Variants in FAT2 observed in about 807,000 individuals in gnomAD.
The protein encoded by FAT2 is FAT atypical cadherin 2.
A neutral mutation model predicts 295.3 loss-of-function variants in FAT2; 150 were observed. That is an observed-to-expected ratio of 0.51 (90% CI 0.44 to 0.58). FAT2 has a LOEUF of 0.58. Ranked by LOEUF, FAT2 falls within the 20% of genes least tolerant of loss-of-function variation. FAT2 has a pLI of 0.00. For synonymous variants in FAT2, 2,026 were observed against 2,150.3 expected, an observed-to-expected ratio of 0.94 and a Z score of 1.60; for missense variants, 4,868 against 5,442.7, an observed-to-expected ratio of 0.89 and a Z score of 3.32.
At position 151,549,483 on chromosome 5, in the gene FAT2, A is replaced by T. The variant is rs1034213539; in HGVS notation, c.4601T>A (p.Ile1534Asn). 6.2e-7 allele frequency: 1 copy of T among 1,614,040 alleles called. No homozygotes were observed. Among genetic ancestry groups the T allele is most frequent in the African/African-American group, 1.3e-5 (1 of 74,918 alleles). The change falls in exon 9 of 24, where the codon ATC (isoleucine) becomes AAC (asparagine). Residue 1534 changes from isoleucine (I) to asparagine (N), a missense_variant. Physicochemically the swap from Ile to Asn is moderately radical, Grantham distance 149. Transcript: ENST00000261800. ...TVMVRDQEIPIKRNFVWVTIH... is the reference protein window; with the variant it reads ...TVMVRDQEIPNKRNFVWVTIH... ...GGTCACCCACACGAAGTTCCTCTTG[A>T]TAGGTATTTCCTGGTCTCGGACCTA...
chr5:151,556,460 T>C, intron 3 of FAT2, 58 bp from the exon 4 acceptor site: 2 of 1,138,602 alleles, frequency 1.8e-6, no homozygotes, highest in Non-Finnish European at 1.3e-6. Context: ...GCCACTTTAC[T>C]GAGGCAACTT....
chr5:151,558,147 A>T (rs976012059), intron 3 of FAT2, among the ~76,000 whole-genome samples: 3 of 152,218 alleles, frequency 2.0e-5, no homozygotes, highest in Non-Finnish European at 4.4e-5. Context: ...TACATCTGGG[A>T]AGATGAGTTC....
chr5:151,548,372 A>G (rs1756861822), intron 9 of FAT2, among the ~76,000 whole-genome samples: 1 of 152,066 alleles, frequency 6.6e-6, no homozygotes, highest in African/African-American at 2.4e-5. Context: ...AATTAGTTGG[A>G]TACTGGATAT....
Position 151,512,314 on chromosome 5 carries a change from T to C in FAT2, c.11756A>G (p.Asn3919Ser), listed in dbSNP as rs1761387420. 1 of 1,614,204 alleles carries C rather than the reference T, an allele frequency of 6.2e-7. No individual in the cohort carries two copies. The highest frequency in any genetic ancestry group is 8.5e-7 in the Non-Finnish European group (1 of 1,180,022). ...GGCCAGCAGATCTAGAGCCTCTTCG[T>C]TGACCACGACAGCATCCAGGCAGCC... ...FEGCLDAVVV[N>S]EEALDLLAPG... Residue 3919 changes from asparagine (N) to serine (S), a missense_variant, in exon 21 of 24, where the codon AAC (asparagine) becomes AGC (serine). Coordinates refer to ENST00000261800, the MANE Select transcript of FAT2 (RefSeq NM_001447.3). This position sits in a 1 kb window ranked among gnomAD's most constrained non-coding sequence, Gnocchi z 4.1.
At chr5:151,530,387 C>G (rs990268563) in intron 14 of FAT2, among the ~76,000 whole-genome samples, 1 of 152,090 alleles carries the variant, frequency 6.6e-6, no homozygotes, top group Non-Finnish European at 1.5e-5. Context: ...AAATGTCATT[C>G]CTAGGAAATA....
In FAT2 at chr5:151,521,297, G is replaced by A; in HGVS notation, c.11296C>T (p.Gln3766Ter). The A allele has an allele frequency of 6.2e-7, 1 of 1,610,928 alleles. No homozygotes were observed. The highest frequency in any genetic ancestry group is 8.5e-7 in the Non-Finnish European group (1 of 1,177,672). Residue 3766 changes from glutamine to a stop codon, truncating the protein, a stop_gained, in exon 19 of 24, where the codon CAG (glutamine) becomes TAG (stop). Coordinates refer to ENST00000261800, the MANE Select transcript of FAT2 (RefSeq NM_001447.3). LOFTEE classifies it high-confidence loss of function. ...TTACCATTGCAGGAGCAGCTCCTCT[G>A]CAGGTGGTGCCGCGGGGTTAGGATG... ...LSILTPRHHL[Q>*]RSCSCNGTAT...
chr5:151,537,712 C>G, intron 12 of FAT2, 81 bp downstream of exon 12: 1 of 1,396,278 alleles, frequency 7.2e-7, no homozygotes, highest in Non-Finnish European at 9.7e-7. Flanking sequence ...TGTTTCTTCT[C>G]CAAGGAGAAT....
At chr5:151,527,914 C>G in intron 16 of FAT2, 82 bp downstream of exon 16, 2 of 1,538,614 alleles carry the variant, frequency 1.3e-6, no homozygotes, top group Non-Finnish European at 1.8e-6. Context: ...GGGGTCTTGA[C>G]AGCGATTCAT....
At chr5:151,556,250 A>G (rs527519433) in intron 4 of FAT2, 94 bp downstream of exon 4, 126 of 1,044,388 alleles carry the variant, frequency 1.2e-4, no homozygotes, top group Non-Finnish European at 1.9e-4. Context: ...CTGAACCCAG[A>G]CCCTCCTCAG....
rs1228781563 is a variant in FAT2, at chr5:151,507,409, C to T, written c.12262G>A (p.Ala4088Thr). The change falls in exon 23 of 24, where the codon GCC becomes ACC. Residue 4088 changes from alanine to threonine, a missense_variant. Physicochemically the swap from Ala to Thr is moderately conservative, Grantham distance 58 (BLOSUM62 0). Around this residue, in one of 5 missense-constraint regions of FAT2, gnomAD observed 492 missense variants for 482.6 expected, o/e 1.02. Coordinates refer to ENST00000261800, the MANE Select transcript of FAT2 (RefSeq NM_001447.3). ...PVAMEDPDLLARSVGVDTQAM... is the reference protein window; with the variant it reads ...PVAMEDPDLLTRSVGVDTQAM... The stretch of plus-strand genomic sequence containing the variant: ...TGGGTGTCAACACCAACACTCCTGG[C>T]CAGGAGGTCTGGGTCCTCCATGGCC... 3.1e-6 allele frequency: 5 copies of T among 1,614,180 alleles called. No individual in the cohort carries two copies. Among genetic ancestry groups the T allele is most frequent in the Non-Finnish European group, 3.4e-6 (4 of 1,180,034 alleles).
intron 22 of FAT2, among the ~76,000 whole-genome samples, chr5:151,509,167 T>C (rs1362889028): frequency 1.3e-5 from 2 of 152,094 alleles, no homozygotes; most frequent in Admixed American, 6.5e-5. Flanking sequence ...CACTGGGAAG[T>C]TCAGGTCCAG....
chr5:151,549,279 T>C lies in FAT2; in HGVS notation c.4789+16A>G. 1 of 1,611,000 alleles carries C rather than the reference T, an allele frequency of 6.2e-7. No homozygotes were observed. Among genetic ancestry groups the C allele is most frequent in the African/African-American group, 1.3e-5 (1 of 74,948 alleles). ...CATCTTGACCCATCCTCTGAGCTCA[T>C]GGCCAGGCCTCTCACCTTTCAGGAG... On this transcript the variant is annotated intron_variant, in intron 9 of 23. Transcript: ENST00000261800.
chr5:151,505,960 G>C lies in FAT2; in HGVS notation c.12655C>G (p.Pro4219Ala), dbSNP rs944074256. 3.8e-6 allele frequency: 6 copies of C among 1,574,018 alleles called. No individual in the cohort carries two copies. Among genetic ancestry groups the C allele is most frequent in the Admixed American group, 2.0e-5 (1 of 50,380 alleles). Residue 4219 changes from proline (P) to alanine (A), a missense_variant, in exon 24 of 24, where the codon CCT (proline) becomes GCT (alanine). By Grantham distance (27) the Pro-to-Ala change is conservative. Transcript: ENST00000261800. ...GGGAAGCCCCCATAGAGGCCATTAG[G>C]CTCTGGCATCACGACTGGGGTTGAG... Reference protein sequence around the residue: ...RHSTPVVMPEPNGLYGGFPFP... With the variant: ...RHSTPVVMPEANGLYGGFPFP...
At chr5:151,572,467 A>G (rs1758570414) in intron 1 of FAT2, among the ~76,000 whole-genome samples, 2 of 152,242 alleles carry the variant, frequency 1.3e-5, no homozygotes, top group Non-Finnish European at 2.9e-5. Flanking sequence ...GTGCTTCTGG[A>G]AAGAGCTGTG....
At chr5:151,530,919 A>T (rs905646336) in intron 14 of FAT2, among the ~76,000 whole-genome samples, 2 of 152,118 alleles carry the variant, frequency 1.3e-5, no homozygotes, top group Non-Finnish European at 2.9e-5. Flanking sequence ...GGTAAATTTT[A>T]AAAAATATTG....
At chr5:151,534,323 C>T in intron 13 of FAT2, 86 bp downstream of exon 13, 1 of 1,088,142 alleles carries the variant, frequency 9.2e-7, no homozygotes, top group Non-Finnish European at 1.3e-6. Context: ...CCTTACCAGT[C>T]CTAGAGAGAC....
intron 13 of FAT2, among the ~76,000 whole-genome samples, chr5:151,533,393 AACACACACACACACACACACACACAC>A (rs36215342): frequency 2.3e-5 from 3 of 132,114 alleles, no homozygotes; most frequent in South Asian, 2.7e-4. Flanking sequence ...TGTTATCTCC[AACACACACACACACACACACACACAC>A]ACACACACAC....
chr5:151,544,417 G>A lies in FAT2; in HGVS notation c.6710C>T (p.Thr2237Ile), dbSNP rs1756428802. 8 of 1,614,040 alleles carry A rather than the reference G, an allele frequency of 5.0e-6. No individual in the cohort carries two copies. The African/African-American group carries it at 5.3e-5, about 11-fold the overall frequency. Residue 2237 changes from threonine (T) to isoleucine (I), a missense_variant, in exon 10 of 24, where the codon ACC becomes ATC. Transcript: ENST00000261800. ...VTGPLDYESKTKHVFTVRATD... is the reference protein window; with the variant it reads ...VTGPLDYESKIKHVFTVRATD... The stretch of plus-strand genomic sequence containing the variant: ...GGCTCTGACTGTGAACACATGTTTG[G>A]TCTTGGACTCATAGTCCAAAGGCCC...
At chr5:151,518,963 C>G (rs1311964658) in intron 19 of FAT2, among the ~76,000 whole-genome samples, 2 of 152,112 alleles carry the variant, frequency 1.3e-5, no homozygotes, top group African/African-American at 4.8e-5. Context: ...AGATACCTAG[C>G]AAAGAGGAAT....
Sources: allele counts gnomAD v4.1 joint callset (sites outside exome capture counted in the v4.1 genomes callset), GRCh38; gene constraint gnomAD v4.1.1; regional missense constraint gnomAD v4.1.1; non-coding constraint Gnocchi (gnomAD v3.1); transcripts MANE v1.5; gene names NCBI Gene and HGNC (gene_info 2026-07-23, HGNC 2026-07-21).